Variants in GPC5 observed in about 807,000 individuals in gnomAD.
GPC5 encodes glypican 5.
In GPC5, 47 loss-of-function variants were observed where a neutral mutation model predicts 53.9. That is an observed-to-expected ratio of 0.87 (90% CI 0.69 to 1.11). The LOEUF is 1.11. GPC5 is among the 50% of genes most tolerant of loss of function. The pLI is 0.00. For synonymous variants in GPC5, 286 were observed against 263.3 expected (o/e 1.09, Z -0.84); for missense variants, 748 against 713.1 (o/e 1.05, Z -0.56).
chr13:91,925,633 T>C (rs1359741102), intron 6 of GPC5, among the ~76,000 whole-genome samples: 1 of 152,240 alleles, frequency 6.6e-6, no homozygotes, highest in Admixed American at 6.5e-5. Context: ...ATATTTTCAC[T>C]TTATTCAACA....
chr13:92,190,950 C>T (rs145094414), intron 7 of GPC5, among the ~76,000 whole-genome samples: 1 of 151,942 alleles, frequency 6.6e-6, no homozygotes, highest in Non-Finnish European at 1.5e-5. Flanking sequence ...AAATCAAGAC[C>T]TACCTATATG....
At chr13:92,510,952 A>T (rs1312323448) in intron 7 of GPC5, among the ~76,000 whole-genome samples, 1 of 152,198 alleles carries the variant, frequency 6.6e-6, no homozygotes, top group Non-Finnish European at 1.5e-5. Context: ...TCAGGCTATG[A>T]TGTGTGGGCC....
At chr13:92,610,226 C>A (rs1566318358) in intron 7 of GPC5, among the ~76,000 whole-genome samples, 1 of 151,964 alleles carries the variant, frequency 6.6e-6, no homozygotes. Context: ...ATCTAGAGAA[C>A]AACTATTTTG....
At chr13:92,563,522 A>G (rs1047816023) in intron 7 of GPC5, among the ~76,000 whole-genome samples, 1 of 152,068 alleles carries the variant, frequency 6.6e-6, no homozygotes, top group African/African-American at 2.4e-5. Context: ...CAAAGAAATC[A>G]TGAATATATG....
chr13:91,770,704 T>TTG (rs71113759), intron 5 of GPC5, among the ~76,000 whole-genome samples: 22,860 of 145,532 alleles, frequency 0.16, 1,812 homozygotes, highest in East Asian at 0.21. Flanking sequence ...GACTGTGTGT[T>TTG]TGTGTGTGTG....
intron 2 of GPC5, among the ~76,000 whole-genome samples, chr13:91,485,212 C>A (rs953216989): frequency 8.8e-6 from 1 of 113,306 alleles, no homozygotes. Flanking sequence ...AATCTTGGTC[C>A]CTTTTTTTTT....
chr13:92,366,179 A>G (rs547813907), intron 7 of GPC5, among the ~76,000 whole-genome samples: 1 of 151,846 alleles, frequency 6.6e-6, no homozygotes, highest in African/African-American at 2.4e-5. Context: ...CCACTGTCAT[A>G]TAGGTGGTCT....
In GPC5 at chr13:91,550,107, A is replaced by G. The variant is rs374394059; in HGVS notation, c.325+101185A>G. Among the ~76,000 whole-genome samples, 68 of 152,250 alleles carry G rather than the reference A, an allele frequency of 4.5e-4. No individual in the cohort carries two copies. In the East Asian group the frequency reaches 8.1e-3, roughly 18 times the overall value. ...GTGAAAAGACATGGAGGAAACTTCA[A>G]TGTGTTTTACTACATGAAAAAAGCC... is the stretch of plus-strand genomic sequence containing the variant. On this transcript the variant is annotated intron_variant, in intron 2 of 7. Coordinates refer to ENST00000377067, the MANE Select transcript of GPC5 (RefSeq NM_004466.6).
intron 5 of GPC5, among the ~76,000 whole-genome samples, chr13:91,844,151 G>A (rs2038822162): frequency 6.6e-6 from 1 of 152,154 alleles, no homozygotes; most frequent in African/African-American, 2.4e-5. Context: ...TGAAAGGGAT[G>A]TATGGAAAAT....
intron 7 of GPC5, among the ~76,000 whole-genome samples, chr13:92,265,808 C>A (rs1566510390): frequency 6.6e-6 from 1 of 152,178 alleles, no homozygotes; most frequent in Non-Finnish European, 1.5e-5. Flanking sequence ...TTAGAGAATA[C>A]CTCAGACCCT....
chr13:92,385,421 C>CATAT (rs1555331914), intron 7 of GPC5, among the ~76,000 whole-genome samples: 10 of 30,064 alleles, frequency 3.3e-4, no homozygotes, highest in Admixed American at 4.5e-4. Context: ...CATATATATA[C>CATAT]ATATATACAT....
intron 7 of GPC5, among the ~76,000 whole-genome samples, chr13:92,383,130 TA>T (rs1375073084): frequency 6.6e-6 from 1 of 152,156 alleles, no homozygotes; most frequent in African/African-American, 2.4e-5. Context: ...ATATGTATGA[TA>T]GTCATTGTTC....
chr13:92,673,288 C>CTTTTTT (rs150927746), intron 7 of GPC5, among the ~76,000 whole-genome samples: 56 of 144,946 alleles, frequency 3.9e-4, no homozygotes, highest in African/African-American at 1.3e-3. Flanking sequence ...TTTTCTTTTT[C>CTTTTTT]TTTTTTTTTT....
chr13:92,789,071 T>C (rs1274009477), intron 7 of GPC5, among the ~76,000 whole-genome samples: 2 of 152,200 alleles, frequency 1.3e-5, no homozygotes, highest in Admixed American at 6.6e-5. Flanking sequence ...AATATTTCAA[T>C]ATGGATCCTG....
At position 92,432,019 on chromosome 13, in the gene GPC5, A is replaced by G. The variant is rs907778860; in HGVS notation, c.1561+287030A>G. ...TCACAATGTATATGTTAAAGCCCCA[A>G]TGTGATTGTATTTGGAGATGAGGCC... is the stretch of plus-strand genomic sequence containing the variant. On this transcript the variant is annotated intron_variant, in intron 7 of 7. Transcript: ENST00000377067. Among the ~76,000 whole-genome samples, 8 of 152,294 alleles carry G rather than the reference A, an allele frequency of 5.3e-5. No homozygotes were observed. In the South Asian group the frequency reaches 6.2e-4, roughly 12 times the overall value.
At chr13:92,557,594 T>C (rs376294521) in intron 7 of GPC5, among the ~76,000 whole-genome samples, 6 of 152,150 alleles carry the variant, frequency 3.9e-5, no homozygotes, top group Admixed American at 6.6e-5. Context: ...TTATTTTAAG[T>C]TGCTAAAAAC....
At chr13:92,455,348 C>G (rs2139403139) in intron 7 of GPC5, among the ~76,000 whole-genome samples, 1 of 152,080 alleles carries the variant, frequency 6.6e-6, no homozygotes, top group East Asian at 1.9e-4. Context: ...ATGAATTTCC[C>G]CTAAAGAAAT....
intron 2 of GPC5, among the ~76,000 whole-genome samples, chr13:91,554,276 C>T (rs560695883): frequency 6.6e-6 from 1 of 152,048 alleles, no homozygotes; most frequent in Admixed American, 6.6e-5. Context: ...CACAGAGATA[C>T]AACAGAGACA....
chr13:91,834,110 C>G (rs951451918), intron 5 of GPC5, among the ~76,000 whole-genome samples: 2 of 152,060 alleles, frequency 1.3e-5, no homozygotes, highest in Non-Finnish European at 2.9e-5. Context: ...AACAAACACA[C>G]AGAGAGCCAA....
Sources: gnomAD v4.1 joint callset for allele counts (sites outside exome capture counted in the v4.1 genomes callset) on GRCh38, gnomAD v4.1.1 for gene constraint, MANE v1.5 for transcripts, NCBI Gene and HGNC (gene_info 2026-07-23, HGNC 2026-07-21) for gene names.